Variants in KCNJ1 observed in about 807,000 individuals in gnomAD.
KCNJ1 encodes potassium inwardly rectifying channel subfamily J member 1, also known as ATP-sensitive inward rectifier potassium channel 1.
KCNJ1 carries 24 observed loss-of-function variants against 21.9 expected under a neutral mutation model. That is an observed-to-expected ratio of 1.10 (90% CI 0.79 to 1.54). The LOEUF (loss-of-function observed/expected upper bound fraction) is 1.54, where lower values mean the gene tolerates loss of function less well. KCNJ1 is among the 40% of genes most tolerant of loss of function. The pLI is 0.00. For missense variants in KCNJ1, 457 were observed against 455.4 expected, an observed-to-expected ratio of 1.00 and a Z score of -0.03; for synonymous variants, 152 against 160.9, an observed-to-expected ratio of 0.94 and a Z score of 0.42.
chr11:128,860,654 G>C (rs769441903), intron 1 of KCNJ1, among the ~76,000 whole-genome samples: 9 of 152,296 alleles, frequency 5.9e-5, no homozygotes, highest in African/African-American at 1.9e-4. Flanking sequence ...GCCTGGAGAC[G>C]CAATAGCCTG....
At chr11:128,842,330 A>C (rs1008826838) in intron 2 of KCNJ1, 6 of 1,602,538 alleles carry the variant, frequency 3.7e-6, no homozygotes, top group Non-Finnish European at 4.3e-6. Context: ...TTAATGATGA[A>C]ACATTATCTG....
chr11:128,862,308 A>C (rs1226235935), intron 1 of KCNJ1, among the ~76,000 whole-genome samples: 1 of 152,096 alleles, frequency 6.6e-6, no homozygotes, highest in Admixed American at 6.5e-5. Context: ...AGTGGTGAGC[A>C]TTGCCCAGGC....
rs377402166 is a variant in KCNJ1 at position 128,841,804 on chromosome 11, CA to C, written c.-21-1541del. On this transcript the variant is annotated intron_variant, in intron 2 of 2. Transcript: ENST00000392666. Reference sequence around the variant, plus strand: ...CTGTGGTGATTTGAAATGTTGAGGGCAGGTTCTAAAGACATAAAAAAAGAAA... The same window carrying C: ...CTGTGGTGATTTGAAATGTTGAGGGCGGTTCTAAAGACATAAAAAAAGAAA... 5.3e-4 allele frequency among the ~76,000 whole-genome samples: 80 copies of C among 152,194 alleles called. No homozygotes were observed. In the East Asian group the frequency reaches 0.012, roughly 22 times the overall value.
At chr11:128,855,273 A>T (rs1012183973) in intron 1 of KCNJ1, among the ~76,000 whole-genome samples, 14 of 151,722 alleles carry the variant, frequency 9.2e-5, no homozygotes, top group African/African-American at 2.9e-4. Context: ...ATTTTCAGTG[A>T]TGGGTTTATT....
In KCNJ1 at chr11:128,854,113, T is replaced by C. The variant is rs1591415741; in HGVS notation, c.-191-3223A>G. Among the ~76,000 whole-genome samples the C allele has an allele frequency of 2.8e-5, 4 of 143,414 alleles. No individual in the cohort carries two copies. In the South Asian group the frequency reaches 9.4e-4, roughly 34 times the overall value. 94.1% of individuals were successfully genotyped at this position (143,414 alleles called of 152,430 possible). ...ACGGTGTTTGGTTACGATCCTGGGT[T>C]GGCAGCTCCAGGGTGAAGTCCCTCA... On this transcript the variant is annotated intron_variant, in intron 1 of 2. Coordinates refer to ENST00000392666, the MANE Select transcript of KCNJ1 (RefSeq NM_153766.3).
intron 1 of KCNJ1, among the ~76,000 whole-genome samples, chr11:128,854,950 G>C (rs150743741): frequency 1.3e-5 from 2 of 152,304 alleles, no homozygotes; most frequent in Middle Eastern, 3.4e-3. Flanking sequence ...GCACGTGCAG[G>C]CTCCCCACTG....
At chr11:128,851,456 T>C (rs951685622) in intron 1 of KCNJ1, among the ~76,000 whole-genome samples, 6 of 152,230 alleles carry the variant, frequency 3.9e-5, no homozygotes, top group African/African-American at 1.4e-4. Context: ...GAGGAGGAGA[T>C]GGTTGTTCTA....
chr11:128,844,725 C>T lies in KCNJ1; in HGVS notation c.-21-4461G>A, dbSNP rs141513579. 3.9e-4 allele frequency among the ~76,000 whole-genome samples: 59 copies of T among 152,248 alleles called. No individual in the cohort carries two copies. In the East Asian group the frequency reaches 0.01, roughly 27 times the overall value. ...AATTTGGGATTTCTTACAGCACTTA[C>T]CACCCCAGCCTGCTCAGCAGTCAAA... On this transcript the variant is annotated intron_variant, in intron 2 of 2. Coordinates refer to ENST00000392666, the MANE Select transcript of KCNJ1 (RefSeq NM_153766.3).
intron 1 of KCNJ1, among the ~76,000 whole-genome samples, chr11:128,857,557 A>G (rs143492798): frequency 1.6e-3 from 238 of 152,338 alleles, no homozygotes; most frequent in African/African-American, 5.1e-3. Flanking sequence ...TCCCTATGTT[A>G]TACCCAACAC....
intron 2 of KCNJ1, among the ~76,000 whole-genome samples, chr11:128,845,060 C>T (rs1406395714): frequency 6.6e-6 from 1 of 152,220 alleles, no homozygotes; most frequent in Non-Finnish European, 1.5e-5. Flanking sequence ...GAAAAAATTA[C>T]TGCTTTGTCA....
At position 128,850,793 on chromosome 11, in the gene KCNJ1, AGCT is replaced by A; in HGVS notation, c.-97_-95del. The A allele has an allele frequency of 1.0e-6, 1 of 985,342 alleles. No homozygotes were observed. 61.0% of individuals were successfully genotyped at this position (985,342 alleles called of 1,614,324 possible). On this transcript the variant is annotated 5_prime_UTR_variant, in exon 2 of 3. Transcript: ENST00000392666. ...AGTAGATCTTGGGGTGACCAGCAAG[AGCT>A]GCTTGGTTTGGGATTCCACCTGTGG... is the stretch of plus-strand genomic sequence containing the variant.
intron 1 of KCNJ1, among the ~76,000 whole-genome samples, chr11:128,865,159 G>A (rs1943794551): frequency 6.6e-6 from 1 of 152,028 alleles, no homozygotes; most frequent in Non-Finnish European, 1.5e-5. Flanking sequence ...CCTGCCTCCA[G>A]TAGGCCCCTT....
rs998934787 is a variant in KCNJ1, at chr11:128,839,042, C to T, written c.*83G>A. ...GAAGGCTCTCATCCTACTTTCGTAC[C>T]CCTAAATTGTTGACTGCTTCATAAT... On this transcript the variant is annotated 3_prime_UTR_variant, in exon 3 of 3. Transcript: ENST00000392666. The T allele has an allele frequency of 2.4e-5, 30 of 1,262,682 alleles. No homozygotes were observed. The Middle Eastern group carries it at 5.7e-4, about 24-fold the overall frequency. 78.2% of individuals were successfully genotyped at this position (1,262,682 alleles called of 1,614,324 possible).
chr11:128,841,964 T>C (rs1215207885), intron 2 of KCNJ1, among the ~76,000 whole-genome samples: 1 of 152,134 alleles, frequency 6.6e-6, no homozygotes, highest in African/African-American at 2.4e-5. Context: ...AAGGAAATGG[T>C]CTTCTCCTTT....
At position 128,840,200 on chromosome 11, in the gene KCNJ1, C is replaced by G; in HGVS notation, c.44G>C (p.Gly15Ala). ...TAGCCTTGCTCTTTGCCGAGAATGCCCAAAAAAGCGAGTGACGACCCATTT... is the reference window on the plus strand; with the variant it reads ...TAGCCTTGCTCTTTGCCGAGAATGCGCAAAAAAGCGAGTGACGACCCATTT... ...LRKWVVTRFF[G>A]HSRQRARLVS... The change falls in exon 3 of 3, where the codon GGG becomes GCG. Residue 15 changes from glycine (G) to alanine (A), a missense_variant. Transcript: ENST00000392666. The G allele has an allele frequency of 6.2e-7, 1 of 1,614,012 alleles. No homozygotes were observed. The highest frequency in any genetic ancestry group is 8.5e-7 in the Non-Finnish European group (1 of 1,179,988).
At chr11:128,845,670 G>T (rs902048762) in intron 2 of KCNJ1, among the ~76,000 whole-genome samples, 1 of 152,230 alleles carries the variant, frequency 6.6e-6, no homozygotes, top group East Asian at 1.9e-4. Flanking sequence ...CATGGGAACA[G>T]CATGGGCTCT....
intron 1 of KCNJ1, among the ~76,000 whole-genome samples, chr11:128,858,655 T>C (rs1943637636): frequency 6.6e-6 from 1 of 152,248 alleles, no homozygotes. Context: ...GATCTCACTG[T>C]GTTCCAGGCG....
intron 1 of KCNJ1, among the ~76,000 whole-genome samples, chr11:128,853,140 A>G (rs1943507285): frequency 6.6e-6 from 1 of 152,228 alleles, no homozygotes; most frequent in South Asian, 2.1e-4. Context: ...TTTCCATACT[A>G]TATTGATGAT....
At position 128,839,093 on chromosome 11, in the gene KCNJ1, G is replaced by A. The variant is rs1244841236; in HGVS notation, c.*32C>T. 3.8e-6 allele frequency: 6 copies of A among 1,595,770 alleles called. No homozygotes were observed. In the African/African-American group the frequency reaches 8.0e-5, roughly 21 times the overall value. The stretch of plus-strand genomic sequence containing the variant: ...GCTTCTAGGTACTAGGAGCTTTAGA[G>A]ACTTTGCTTTACTCCCGTTGAAAAG... On this transcript the variant is annotated 3_prime_UTR_variant, in exon 3 of 3. Transcript: ENST00000392666.
Sources: allele counts gnomAD v4.1 joint callset (sites outside exome capture counted in the v4.1 genomes callset), GRCh38; gene constraint gnomAD v4.1.1; transcripts MANE v1.5; gene names NCBI Gene and HGNC (gene_info 2026-07-23, HGNC 2026-07-21).